NCK1: variants seen among roughly 807,000 people sequenced by gnomAD.
The protein encoded by NCK1 is NCK adaptor protein 1.
In NCK1, 19 loss-of-function variants were observed where a neutral mutation model predicts 36.6. The ratio of observed to expected loss-of-function variants is 0.52; its 90% CI spans 0.36 to 0.76. NCK1 has a LOEUF of 0.76. NCK1 is among the 30% of genes least tolerant of loss of function. NCK1 has a pLI of 0.00. For missense variants in NCK1, 358 were observed against 445.6 expected (o/e 0.80, Z 1.77); for synonymous variants, 165 against 156.0 (o/e 1.06, Z -0.43).
At chr3:136,894,242 G>A (rs1302179579) in intron 1 of NCK1, among the ~76,000 whole-genome samples, 1 of 152,306 alleles carries the variant, frequency 6.6e-6, no homozygotes, top group East Asian at 1.9e-4. Flanking sequence ...GTACAGCAGA[G>A]ATTTTAAATT....
chr3:136,910,996 C>T (rs1010902530), intron 1 of NCK1, among the ~76,000 whole-genome samples: 2 of 152,082 alleles, frequency 1.3e-5, no homozygotes, highest in African/African-American at 4.8e-5. Flanking sequence ...TTTTAGATTC[C>T]ACATGTATGT....
At chr3:136,894,966 C>A (rs1939352731) in intron 1 of NCK1, among the ~76,000 whole-genome samples, 1 of 152,106 alleles carries the variant, frequency 6.6e-6, no homozygotes, top group South Asian at 2.1e-4. Flanking sequence ...ACCTCCACCT[C>A]CTGGGTTCAA....
At chr3:136,925,666 G>GATTC (rs537233954) in intron 1 of NCK1, among the ~76,000 whole-genome samples, 18 of 152,102 alleles carry the variant, frequency 1.2e-4, no homozygotes, top group Non-Finnish European at 2.2e-4. Context: ...ATTCCCTGGA[G>GATTC]ATTCATCCAG....
At chr3:136,942,068 G>A (rs903139059) in intron 2 of NCK1, among the ~76,000 whole-genome samples, 1 of 152,130 alleles carries the variant, frequency 6.6e-6, no homozygotes, top group Admixed American at 6.5e-5. Context: ...TCGATCTCCT[G>A]ACCTCGTGAT....
At chr3:136,887,754 T>G (rs1278659749) in intron 1 of NCK1, among the ~76,000 whole-genome samples, 1 of 152,116 alleles carries the variant, frequency 6.6e-6, no homozygotes, top group African/African-American at 2.4e-5. Flanking sequence ...CTGTACTGTT[T>G]TACCTATTTT....
intron 1 of NCK1, 77 bp downstream of exon 1, chr3:136,862,430 C>G (rs899079586): frequency 6.6e-6 from 1 of 152,352 alleles, no homozygotes; most frequent in African/African-American, 2.4e-5. Flanking sequence ...GCCTGTTACT[C>G]GCTGCGTCGC....
chr3:136,925,339 CTT>C (rs1158573514), intron 1 of NCK1, among the ~76,000 whole-genome samples: 2 of 151,918 alleles, frequency 1.3e-5, no homozygotes, highest in Non-Finnish European at 2.9e-5. Flanking sequence ...TTTAATTAAA[CTT>C]TTTATTTTGA....
intron 1 of NCK1, among the ~76,000 whole-genome samples, chr3:136,925,721 T>G (rs1940220708): frequency 6.6e-6 from 1 of 152,166 alleles, no homozygotes; most frequent in Non-Finnish European, 1.5e-5. Context: ...AACGTACCAG[T>G]TTGTTTAATT....
In NCK1 at chr3:136,886,305, A is replaced by G. The variant is rs143820099; in HGVS notation, c.-19+23952A>G. ...GGATAGTATATACTTGTCCTTTGGT[A>G]TCCATGAGGTGTTGGTTCCAAGACT... On this transcript the variant is annotated intron_variant, in intron 1 of 3. Transcript: ENST00000481752. 1.9e-3 allele frequency among the ~76,000 whole-genome samples: 287 copies of G among 151,952 alleles called. 1 individual carries two copies. The highest frequency in any genetic ancestry group is 6.6e-3 in the African/African-American group (273 of 41,438).
chr3:136,899,419 CT>C (rs34828302), intron 1 of NCK1: 1,412 of 198,916 alleles, frequency 7.1e-3, no homozygotes, highest in South Asian at 0.012. Context: ...CATTTCTTTT[CT>C]TTTTTTTTTT....
chr3:136,923,186 A>G (rs959429212), intron 1 of NCK1, among the ~76,000 whole-genome samples: 1 of 151,884 alleles, frequency 6.6e-6, no homozygotes, highest in Admixed American at 6.6e-5. Context: ...AGAATTTTCA[A>G]TTTTCTTATA....
intron 1 of NCK1, among the ~76,000 whole-genome samples, chr3:136,881,908 T>C (rs780671824): frequency 6.6e-6 from 1 of 152,240 alleles, no homozygotes; most frequent in Non-Finnish European, 1.5e-5. Context: ...TACCACATTT[T>C]GTTTATCCAT....
intron 1 of NCK1, among the ~76,000 whole-genome samples, chr3:136,898,247 C>T (rs562246109): frequency 1.3e-5 from 2 of 151,966 alleles, no homozygotes; most frequent in Non-Finnish European, 2.9e-5. Context: ...AATACAAAAA[C>T]TAGCTGGGTA....
intron 2 of NCK1, chr3:136,928,831 A>G (rs1008497760): frequency 3.3e-5 from 5 of 151,066 alleles, no homozygotes; most frequent in African/African-American, 1.2e-4. Flanking sequence ...TAGGAAGGAA[A>G]TATGCATGGG....
At chr3:136,930,682 T>C (rs1940368400) in intron 2 of NCK1, 13 of 1,147,344 alleles carry the variant, frequency 1.1e-5, no homozygotes, top group South Asian at 2.4e-5. Context: ...AAAACTCTTA[T>C]TTGGTGGGTT....
At chr3:136,919,336 T>C (rs1940047399) in intron 1 of NCK1, among the ~76,000 whole-genome samples, 1 of 152,206 alleles carries the variant, frequency 6.6e-6, no homozygotes, top group Non-Finnish European at 1.5e-5. Context: ...AGTGAAAATC[T>C]TACTGTATGT....
At chr3:136,928,975 C>G (rs753373777) in intron 2 of NCK1, among the ~76,000 whole-genome samples, 2 of 151,222 alleles carry the variant, frequency 1.3e-5, no homozygotes, top group Non-Finnish European at 2.9e-5. Flanking sequence ...CGTAATTGTT[C>G]TTTGTCTAGG....
intron 2 of NCK1, among the ~76,000 whole-genome samples, chr3:136,929,263 A>G (rs970889671): frequency 6.6e-6 from 1 of 152,132 alleles, no homozygotes; most frequent in Non-Finnish European, 1.5e-5. Flanking sequence ...CATTATTGTT[A>G]TTCTAGAATG....
chr3:136,867,049 T>TGCTC (rs141115464), intron 1 of NCK1, among the ~76,000 whole-genome samples: 2,806 of 34,046 alleles, frequency 0.082, 669 homozygotes, highest in South Asian at 0.23. Flanking sequence ...GTTGCTTGCT[T>TGCTC]TTCTTTCTTT....
Sources: allele counts gnomAD v4.1 joint callset (sites outside exome capture counted in the v4.1 genomes callset), GRCh38; gene constraint gnomAD v4.1.1; transcripts MANE v1.5; gene names NCBI Gene and HGNC (gene_info 2026-07-23, HGNC 2026-07-21).